OPCML: variants seen among roughly 807,000 people sequenced by gnomAD.
OPCML encodes opioid binding protein/cell adhesion molecule like.
A neutral mutation model predicts 37.8 loss-of-function variants in OPCML; 13 were observed. The ratio of observed to expected loss-of-function variants is 0.34; its 90% confidence interval spans 0.22 to 0.55. The LOEUF is 0.55. Ranked by LOEUF, OPCML falls within the 20% of genes least tolerant of loss-of-function variation. OPCML has a pLI of 0.91. For missense variants in OPCML, 341 were observed against 435.6 expected (o/e 0.78, Z 1.93); for synonymous variants, 176 against 168.8 (o/e 1.04, Z -0.33).
chr11:132,711,751 CAT>C (rs1193693369), intron 2 of OPCML, among the ~76,000 whole-genome samples: 1 of 152,118 alleles, frequency 6.6e-6, no homozygotes, highest in Non-Finnish European at 1.5e-5. Flanking sequence ...TGTACACACA[CAT>C]ATATGGTGCA....
At chr11:132,587,151 T>C (rs1409591626) in intron 3 of OPCML, among the ~76,000 whole-genome samples, 2 of 152,142 alleles carry the variant, frequency 1.3e-5, no homozygotes, top group Admixed American at 1.3e-4. Context: ...CTAACTAGCA[T>C]GGGGAAAGAT....
chr11:132,437,970 A>C (rs1176392916), intron 4 of OPCML, among the ~76,000 whole-genome samples: 1 of 152,220 alleles, frequency 6.6e-6, no homozygotes, highest in Admixed American at 6.5e-5. Context: ...ATAGATGCTC[A>C]ATAAGCATTG....
rs549014734 is a variant in OPCML, at chr11:132,730,658, T to C, written c.147-73339A>G. 7.8e-4 allele frequency among the ~76,000 whole-genome samples: 119 copies of C among 152,244 alleles called. 1 individual carries two copies. Among genetic ancestry groups the C allele is most frequent in the Non-Finnish European group, 1.1e-3 (77 of 68,016 alleles). On this transcript the variant is annotated intron_variant, in intron 2 of 7. Coordinates refer to ENST00000524381, the MANE Select transcript of OPCML (RefSeq NM_001012393.5). ...GGGGATGTTAGAATGTTTACTGGCC[T>C]CAAAAGAAGACGTAATCTCTGCTTC... is the stretch of plus-strand genomic sequence containing the variant.
At chr11:133,062,708 T>G (rs572799249) in intron 1 of OPCML, among the ~76,000 whole-genome samples, 1 of 152,322 alleles carries the variant, frequency 6.6e-6, no homozygotes, top group African/African-American at 2.4e-5. Flanking sequence ...CTGCCCACTC[T>G]TGCTGCCAGT....
intron 1 of OPCML, among the ~76,000 whole-genome samples, chr11:133,255,265 A>T (rs536878022): frequency 2.0e-5 from 3 of 152,328 alleles, no homozygotes; most frequent in African/African-American, 7.2e-5. Context: ...GAATGTCTCC[A>T]GTCCTGCTGT....
chr11:133,499,038 C>T (rs1591569149), intron 1 of OPCML, among the ~76,000 whole-genome samples: 2 of 152,186 alleles, frequency 1.3e-5, no homozygotes, highest in East Asian at 1.9e-4. Flanking sequence ...ACAGGGCCAG[C>T]GTTGGATCTT....
chr11:132,746,289 T>G (rs1945632635), intron 2 of OPCML, among the ~76,000 whole-genome samples: 2 of 151,768 alleles, frequency 1.3e-5, no homozygotes, highest in South Asian at 4.1e-4. Context: ...ATTTTTGTTT[T>G]TATTTTGTTT....
At chr11:133,278,197 C>T (rs1462701706) in intron 1 of OPCML, among the ~76,000 whole-genome samples, 3 of 152,096 alleles carry the variant, frequency 2.0e-5, no homozygotes, top group African/African-American at 7.2e-5. Context: ...ACCCAAATGC[C>T]ACAACTACAG....
At chr11:132,717,113 C>A (rs1341957375) in intron 2 of OPCML, among the ~76,000 whole-genome samples, 2 of 151,978 alleles carry the variant, frequency 1.3e-5, no homozygotes, top group Non-Finnish European at 2.9e-5. Context: ...TAGTACTGTA[C>A]AAGGATGGGA....
At chr11:133,338,147 G>C (rs1463167351) in intron 1 of OPCML, among the ~76,000 whole-genome samples, 4 of 152,158 alleles carry the variant, frequency 2.6e-5, no homozygotes, top group African/African-American at 9.7e-5. Context: ...AGGAAAAGGA[G>C]TTTGTTTTCT....
intron 2 of OPCML, among the ~76,000 whole-genome samples, chr11:132,762,210 G>C (rs1273216110): frequency 6.6e-6 from 1 of 152,196 alleles, no homozygotes; most frequent in East Asian, 1.9e-4. Flanking sequence ...CACCTGCCAA[G>C]ATGCCAGCTG....
intron 1 of OPCML, among the ~76,000 whole-genome samples, chr11:133,031,069 G>A (rs572937599): frequency 1.6e-4 from 24 of 152,242 alleles, no homozygotes; most frequent in Admixed American, 2.0e-4. Context: ...CTGTAAGCAC[G>A]GGCTTTGTTA....
intron 1 of OPCML, among the ~76,000 whole-genome samples, chr11:133,380,710 A>C (rs1029496892): frequency 2.6e-5 from 4 of 152,310 alleles, no homozygotes; most frequent in Admixed American, 1.3e-4. Context: ...ACATTATTAC[A>C]TCCAGTTCCC....
chr11:132,821,818 G>A (rs1413411073), intron 2 of OPCML, among the ~76,000 whole-genome samples: 2 of 151,810 alleles, frequency 1.3e-5, no homozygotes, highest in African/African-American at 4.8e-5. Flanking sequence ...TGTCTCCTGG[G>A]AGCCTTGGTG....
At chr11:132,895,024 G>C (rs1943783591) in intron 2 of OPCML, among the ~76,000 whole-genome samples, 1 of 152,144 alleles carries the variant, frequency 6.6e-6, no homozygotes, top group African/African-American at 2.4e-5. Flanking sequence ...ACACTGACTA[G>C]TGCAGATTTT....
intron 1 of OPCML, among the ~76,000 whole-genome samples, chr11:133,190,621 A>G (rs1938264543): frequency 6.6e-6 from 1 of 152,210 alleles, no homozygotes; most frequent in South Asian, 2.1e-4. Context: ...GTCCTTTAGC[A>G]GTCACCTCCA....
intron 1 of OPCML, among the ~76,000 whole-genome samples, chr11:133,059,384 A>G (rs997379435): frequency 4.6e-5 from 7 of 152,188 alleles, no homozygotes; most frequent in Non-Finnish European, 7.3e-5. Flanking sequence ...TAACATTAGG[A>G]CATTATTTGC....
intron 1 of OPCML, among the ~76,000 whole-genome samples, chr11:132,968,750 T>G (rs899983867): frequency 9.2e-5 from 14 of 152,242 alleles, no homozygotes; most frequent in East Asian, 1.9e-4. Flanking sequence ...CAGGAATTTT[T>G]TTGTTGTTGT....
chr11:132,886,075 A>T (rs900963817), intron 2 of OPCML, among the ~76,000 whole-genome samples: 1 of 152,204 alleles, frequency 6.6e-6, no homozygotes, highest in African/African-American at 2.4e-5. Context: ...TAGGGCTATC[A>T]CATTCCTATA....
Sources: allele counts gnomAD v4.1 joint callset (sites outside exome capture counted in the v4.1 genomes callset), GRCh38; gene constraint gnomAD v4.1.1; transcripts MANE v1.5; gene names NCBI Gene and HGNC (gene_info 2026-07-23, HGNC 2026-07-21).